Variants in DYNC2H1 observed in about 807,000 individuals in gnomAD.
DYNC2H1 encodes the protein dynein cytoplasmic 2 heavy chain 1.
In DYNC2H1, 410 loss-of-function variants were observed where a neutral mutation model predicts 570.0. The ratio of observed to expected loss-of-function variants is 0.72; its 90% CI spans 0.66 to 0.78. The LOEUF (loss-of-function observed/expected upper bound fraction) is 0.78. Ranked by LOEUF, DYNC2H1 falls within the 30% of genes least tolerant of loss-of-function variation. The pLI, the probability that DYNC2H1 is intolerant of heterozygous loss-of-function variation, is 0.00. For synonymous variants in DYNC2H1, 1,688 were observed against 1,677.6 expected (o/e 1.01, Z -0.15); for missense variants, 4,865 against 5,046.4 (o/e 0.96, Z 1.09).
Position 103,280,337 on chromosome 11 carries a change from A to G in DYNC2H1, c.10696-11A>G. On this transcript the variant is annotated splice_polypyrimidine_tract_variant and intron_variant, in intron 70 of 88. Transcript: ENST00000375735. This position sits in a 1 kb window ranked among gnomAD's most constrained non-coding sequence, Gnocchi z 4.7. ...TTTAAAAGGCAAGATAATATCTGTT[A>G]TTCTTTGCAGGCTGATCAGTTGATG... 3.9e-6 allele frequency: 6 copies of G among 1,552,666 alleles called. No individual in the cohort carries two copies. The highest frequency in any genetic ancestry group is 5.2e-6 in the Non-Finnish European group (6 of 1,147,046).
intron 65 of DYNC2H1, among the ~76,000 whole-genome samples, chr11:103,247,913 G>C (rs1013999608): frequency 6.6e-6 from 1 of 151,992 alleles, no homozygotes; most frequent in Non-Finnish European, 1.5e-5. Flanking sequence ...GAAGGGTATA[G>C]GGACCGAAGA....
chr11:103,130,762 A>T (rs561203277), intron 13 of DYNC2H1, among the ~76,000 whole-genome samples: 19 of 152,262 alleles, frequency 1.2e-4, no homozygotes, highest in African/African-American at 4.3e-4. Flanking sequence ...TTCCCTAATA[A>T]ATTTGTTTAA....
At chr11:103,444,488 G>A (rs1944365042) in intron 85 of DYNC2H1, among the ~76,000 whole-genome samples, 1 of 152,082 alleles carries the variant, frequency 6.6e-6, no homozygotes, top group African/African-American at 2.4e-5. Flanking sequence ...TCAGAACAGT[G>A]TTAAAGTAAG....
chr11:103,303,410 A>G (rs1867133677), intron 76 of DYNC2H1, among the ~76,000 whole-genome samples, 157 bp downstream of exon 76: 1 of 152,168 alleles, frequency 6.6e-6, no homozygotes, highest in South Asian at 2.1e-4. Flanking sequence ...GTTATTTTCC[A>G]TGGCAAAAGG....
Position 103,472,265 on chromosome 11 carries a change from C to A in DYNC2H1, c.12765+3560C>A, listed in dbSNP as rs919785865. On this transcript the variant is annotated intron_variant, in intron 88 of 88. Transcript: ENST00000375735. This position sits in a 1 kb window ranked among gnomAD's most constrained non-coding sequence, Gnocchi z 4.1. ...CAGGGCCAGGCACGGTGGCTCACAC[C>A]TGTAATCCCATCACTTTGGGAGGCC... 1.3e-4 allele frequency among the ~76,000 whole-genome samples: 20 copies of A among 152,218 alleles called. No individual in the cohort carries two copies. Among genetic ancestry groups the A allele is most frequent in the African/African-American group, 4.8e-4 (20 of 41,524 alleles).
intron 50 of DYNC2H1, 40 bp downstream of exon 50, chr11:103,200,194 G>A (rs777075369): frequency 7.3e-7 from 1 of 1,372,136 alleles, no homozygotes. Flanking sequence ...TAAAAATAAT[G>A]GCATAAAAAT....
In DYNC2H1 at chr11:103,295,295, TGAG is replaced by T. The variant is rs542388968; in HGVS notation, c.11095+7696_11095+7698del. On this transcript the variant is annotated intron_variant, in intron 75 of 88. Coordinates refer to ENST00000375735, the MANE Select transcript of DYNC2H1 (RefSeq NM_001377.3). ...GCACTGGTAGAATTCTGTCTGGTAA[TGAG>T]GAGGAAATTAAAGAAAGAAAAAGAA... Among the ~76,000 whole-genome samples the T allele has an allele frequency of 7.9e-5, 12 of 152,194 alleles. No individual in the cohort carries two copies. The South Asian group carries it at 2.3e-3, about 29-fold the overall frequency.
intron 82 of DYNC2H1, among the ~76,000 whole-genome samples, chr11:103,357,483 T>G (rs538155722): frequency 3.9e-4 from 60 of 152,342 alleles, no homozygotes; most frequent in African/African-American, 1.4e-3. Flanking sequence ...CTTTACCATT[T>G]TATAGGGTTT....
rs377669990 is a variant in DYNC2H1 at position 103,228,955 on chromosome 11, T to C, written c.9354-2305T>C. 2.6e-5 allele frequency among the ~76,000 whole-genome samples: 4 copies of C among 152,092 alleles called. No individual in the cohort carries two copies. Among genetic ancestry groups the C allele is most frequent in the East Asian group, 3.9e-4 (2 of 5,174 alleles). On this transcript the variant is annotated intron_variant, in intron 59 of 88. Coordinates refer to ENST00000375735, the MANE Select transcript of DYNC2H1 (RefSeq NM_001377.3). This position sits in a 1 kb window ranked among gnomAD's most constrained non-coding sequence, Gnocchi z 6.1. ...TGTGGTTTCCAGTCCAATGTAATTA[T>C]ATTCCCAGGGGGATTATGGCTACCT... is the stretch of plus-strand genomic sequence containing the variant.
At chr11:103,250,403 C>T (rs1017308758) in intron 65 of DYNC2H1, among the ~76,000 whole-genome samples, 11 of 151,822 alleles carry the variant, frequency 7.2e-5, no homozygotes, top group Admixed American at 1.3e-4. Flanking sequence ...GTTTAACAAG[C>T]GTATATTGCA....
rs1376707801 is a variant in DYNC2H1, at chr11:103,133,990, AG to A, written c.2106+284del. Among the ~76,000 whole-genome samples, 9 of 151,946 alleles carry A rather than the reference AG, an allele frequency of 5.9e-5. No individual in the cohort carries two copies. Among genetic ancestry groups the A allele is most frequent in the African/African-American group, 2.2e-4 (9 of 41,456 alleles). On this transcript the variant is annotated intron_variant, in intron 14 of 88. Transcript: ENST00000375735. This position sits in a 1 kb window ranked among gnomAD's most constrained non-coding sequence, Gnocchi z 4.8. ...CAATCTAGAATCCAACTCTGCCCTTAGTTGTTGAGTCTCTTTAGCCTCCCCT... is the reference window on the plus strand; with the variant it reads ...CAATCTAGAATCCAACTCTGCCCTTATTGTTGAGTCTCTTTAGCCTCCCCT...
chr11:103,466,930 A>G lies in DYNC2H1; in HGVS notation c.12649-1659A>G, dbSNP rs1273604671. Among the ~76,000 whole-genome samples the G allele has an allele frequency of 3.3e-5, 5 of 152,220 alleles. 1 individual carries two copies. The highest frequency in any genetic ancestry group is 2.0e-4 in the Admixed American group (3 of 15,280). Reference sequence around the variant, plus strand: ...TGCAAATGTGTATAAGGAAGTACACAGCATGGTTATTGAGGTGTTTTTTTA... The same window carrying G: ...TGCAAATGTGTATAAGGAAGTACACGGCATGGTTATTGAGGTGTTTTTTTA... On this transcript the variant is annotated intron_variant, in intron 87 of 88. Coordinates refer to ENST00000375735, the MANE Select transcript of DYNC2H1 (RefSeq NM_001377.3).
Position 103,170,065 on chromosome 11 carries a change from G to A in DYNC2H1, c.4969-43G>A, listed in dbSNP as rs1414146421. 1 of 1,467,600 alleles carries A rather than the reference G, an allele frequency of 6.8e-7. No homozygotes were observed. Among genetic ancestry groups the A allele is most frequent in the Non-Finnish European group, 9.2e-7 (1 of 1,092,656 alleles). 90.9% of individuals were successfully genotyped at this position (1,467,600 alleles called of 1,614,324 possible). ...TGCTGTAAAAATATTTGTAAATGTT[G>A]AATAGAACATGAATACTCTGACTTT... On this transcript the variant is annotated intron_variant, in intron 32 of 88. Coordinates refer to ENST00000375735, the MANE Select transcript of DYNC2H1 (RefSeq NM_001377.3). The surrounding 1 kb of genome is among the most constrained non-coding windows in gnomAD (Gnocchi z 4.8).
At chr11:103,220,594 A>G in intron 56 of DYNC2H1, 29 bp from the exon 57 acceptor site, 1 of 1,554,654 alleles carries the variant, frequency 6.4e-7, no homozygotes, top group South Asian at 1.3e-5. Context: ...ATATAATTTG[A>G]AGATAAAAAT....
chr11:103,312,120 C>T, intron 79 of DYNC2H1, 87 bp downstream of exon 79: 1 of 1,419,828 alleles, frequency 7.0e-7, no homozygotes, highest in South Asian at 1.4e-5. Context: ...GTGGCTCATG[C>T]CTGTAATCCC....
intron 85 of DYNC2H1, among the ~76,000 whole-genome samples, chr11:103,441,037 C>A (rs1944250746): frequency 6.6e-6 from 1 of 152,100 alleles, no homozygotes; most frequent in South Asian, 2.1e-4. Context: ...TGGAAATATC[C>A]CCATGACTAG....
rs1434517868 is a variant in DYNC2H1 at position 103,311,893 on chromosome 11, A to G, written c.11509A>G (p.Lys3837Glu). ...KITYESPPGL[K>E]KNLMRTYESW... ...TTTTTTCTAGTCACCTCCAGGTTTA[A>G]AGAAGAATTTAATGCGTACTTATGA... Residue 3837 changes from lysine (K) to glutamate (E), a missense_variant, in exon 79 of 89, where the codon AAG (lysine) becomes GAG (glutamate). Transcript: ENST00000375735. The G allele has an allele frequency of 1.2e-6, 2 of 1,609,400 alleles. No individual in the cohort carries two copies. Among genetic ancestry groups the G allele is most frequent in the African/African-American group, 2.7e-5 (2 of 74,766 alleles).
At chr11:103,374,087 A>G (rs141409251) in intron 83 of DYNC2H1, among the ~76,000 whole-genome samples, 2 of 152,320 alleles carry the variant, frequency 1.3e-5, no homozygotes, top group East Asian at 3.9e-4. Context: ...AGTAGGCAAC[A>G]TATAGTAGGG....
intron 80 of DYNC2H1, among the ~76,000 whole-genome samples, chr11:103,320,329 G>A (rs966386258): frequency 6.6e-6 from 1 of 152,166 alleles, no homozygotes; most frequent in African/African-American, 2.4e-5. Flanking sequence ...TTGAACCTGG[G>A]AGGTGGACAA....
Sources: allele counts gnomAD v4.1 joint callset (sites outside exome capture counted in the v4.1 genomes callset), GRCh38; gene constraint gnomAD v4.1.1; non-coding constraint Gnocchi (gnomAD v3.1); transcripts MANE v1.5; gene names NCBI Gene and HGNC (gene_info 2026-07-23, HGNC 2026-07-21).